Variants in WDFY2 observed in about 807,000 individuals in gnomAD.
WDFY2 encodes the protein WD repeat and FYVE domain-containing protein 2.
WDFY2 carries 36 observed loss-of-function variants against 56.4 expected under a neutral mutation model. The ratio of observed to expected loss-of-function variants is 0.64; its 90% CI spans 0.49 to 0.84. WDFY2 has a LOEUF of 0.84. Among genes scored for constraint, WDFY2 ranks in the 40% least tolerant of loss-of-function variants. WDFY2 has a pLI of 0.00. For synonymous variants in WDFY2, 176 were observed against 183.7 expected (o/e 0.96, Z 0.34); for missense variants, 444 against 512.2 (o/e 0.87, Z 1.29).
intron 3 of WDFY2, among the ~76,000 whole-genome samples, chr13:51,700,378 G>T (rs1000617315): frequency 6.6e-6 from 1 of 152,292 alleles, no homozygotes; most frequent in South Asian, 2.1e-4. Flanking sequence ...TTTCAAATGT[G>T]TATATCTTTG....
At chr13:51,724,970 A>G (rs777406729) in intron 5 of WDFY2, among the ~76,000 whole-genome samples, 40 of 152,184 alleles carry the variant, frequency 2.6e-4, no homozygotes, top group Admixed American at 4.6e-4. Context: ...TCCTGTCCCA[A>G]TCCTGGAATC....
At chr13:51,681,166 C>T (rs914602505) in intron 3 of WDFY2, among the ~76,000 whole-genome samples, 7 of 152,168 alleles carry the variant, frequency 4.6e-5, no homozygotes, top group African/African-American at 1.7e-4. Context: ...AGCAAGTTGA[C>T]TGTACAGTTA....
chr13:51,631,741 C>T (rs1954956696), intron 1 of WDFY2, among the ~76,000 whole-genome samples: 1 of 152,130 alleles, frequency 6.6e-6, no homozygotes, highest in African/African-American at 2.4e-5. Context: ...GTTGCCCAGG[C>T]TGGTTTTGAA....
intron 3 of WDFY2, among the ~76,000 whole-genome samples, chr13:51,691,182 C>A (rs1440178111): frequency 6.6e-6 from 1 of 152,150 alleles, no homozygotes; most frequent in Non-Finnish European, 1.5e-5. Context: ...TTTTGCTGTG[C>A]AGAAGCTCTT....
At chr13:51,679,726 G>A (rs1955946753) in intron 3 of WDFY2, among the ~76,000 whole-genome samples, 1 of 152,088 alleles carries the variant, frequency 6.6e-6, no homozygotes, top group South Asian at 2.1e-4. Flanking sequence ...TCTGGAGCCT[G>A]GAAGTCTGAA....
chr13:51,602,395 C>T (rs1954304401), intron 1 of WDFY2, among the ~76,000 whole-genome samples: 1 of 152,172 alleles, frequency 6.6e-6, no homozygotes, highest in African/African-American at 2.4e-5. Flanking sequence ...AGCAATAGGC[C>T]ATACTCTATA....
chr13:51,625,177 G>T (rs1174522805), intron 1 of WDFY2, among the ~76,000 whole-genome samples: 1 of 152,210 alleles, frequency 6.6e-6, no homozygotes, highest in African/African-American at 2.4e-5. Flanking sequence ...CCAAGGTGAT[G>T]TGATGGTGGC....
chr13:51,638,614 A>G (rs1338718521), intron 1 of WDFY2, among the ~76,000 whole-genome samples: 2 of 152,226 alleles, frequency 1.3e-5, no homozygotes, highest in Admixed American at 1.3e-4. Context: ...TTTGCACACA[A>G]AAATACCCAT....
At chr13:51,733,423 G>A (rs763228377) in intron 6 of WDFY2, among the ~76,000 whole-genome samples, 1 of 152,186 alleles carries the variant, frequency 6.6e-6, no homozygotes, top group Admixed American at 6.5e-5. Flanking sequence ...CAGCAGCCTA[G>A]AGTGGGAAAA....
At chr13:51,681,236 A>G (rs1955971965) in intron 3 of WDFY2, among the ~76,000 whole-genome samples, 1 of 152,200 alleles carries the variant, frequency 6.6e-6, no homozygotes, top group Admixed American at 6.5e-5. Flanking sequence ...TCAAAACAGC[A>G]GTGTAATAGT....
At chr13:51,758,621 C>T (rs1023805939) in intron 11 of WDFY2, among the ~76,000 whole-genome samples, 3 of 150,416 alleles carry the variant, frequency 2.0e-5, no homozygotes, top group Admixed American at 6.6e-5. Context: ...AAACCTGATA[C>T]ATGCACAGCC....
intron 2 of WDFY2, among the ~76,000 whole-genome samples, chr13:51,664,089 A>G (rs2138468327): frequency 6.6e-6 from 1 of 152,350 alleles, no homozygotes; most frequent in Non-Finnish European, 1.5e-5. Flanking sequence ...AGAAAGAATA[A>G]ATAGTGAAGG....
intron 1 of WDFY2, among the ~76,000 whole-genome samples, chr13:51,656,763 C>G (rs1397836143): frequency 6.6e-6 from 1 of 151,926 alleles, no homozygotes; most frequent in Non-Finnish European, 1.5e-5. Context: ...AGTTTTGACT[C>G]AAAACCTATT....
intron 6 of WDFY2, among the ~76,000 whole-genome samples, chr13:51,732,496 A>C (rs184034328): frequency 2.5e-3 from 377 of 152,336 alleles, no homozygotes; most frequent in Non-Finnish European, 4.3e-3. Context: ...AAATTATTTT[A>C]TTAGCATGAA....
At chr13:51,704,063 C>G (rs1207158487) in intron 4 of WDFY2, among the ~76,000 whole-genome samples, 1 of 152,186 alleles carries the variant, frequency 6.6e-6, no homozygotes, top group East Asian at 1.9e-4. Flanking sequence ...ATGTCTTCAA[C>G]ATTGACAGGC....
In WDFY2 at chr13:51,755,435, C is replaced by T; in HGVS notation, c.909C>T (p.Asp303=). 6.2e-7 allele frequency: 1 copy of T among 1,614,116 alleles called. No homozygotes were observed. Among genetic ancestry groups the T allele is most frequent in the Non-Finnish European group, 8.5e-7 (1 of 1,180,004 alleles). Residue 303 remains aspartate, a synonymous_variant, in exon 9 of 12, where the codon GAC becomes GAT. Transcript: ENST00000298125. ...PFFWNFKQMW[D]SKKIGLRQHH... ...TCTGGAACTTCAAGCAAATGTGGGACAGTAAGAAAATTGGTCTAAGACAGG... is the reference window on the plus strand; with the variant it reads ...TCTGGAACTTCAAGCAAATGTGGGATAGTAAGAAAATTGGTCTAAGACAGG...
intron 5 of WDFY2, among the ~76,000 whole-genome samples, chr13:51,725,101 CATT>C (rs1400690906): frequency 1.3e-5 from 2 of 152,120 alleles, no homozygotes; most frequent in Non-Finnish European, 2.9e-5. Context: ...TCAAATTTAA[CATT>C]ATGGGATTTT....
At chr13:51,677,715 T>G (rs542137355) in intron 3 of WDFY2, among the ~76,000 whole-genome samples, 13 of 152,010 alleles carry the variant, frequency 8.6e-5, no homozygotes, top group Non-Finnish European at 1.8e-4. Context: ...AAATAAGACG[T>G]AGAGACCATT....
At position 51,731,700 on chromosome 13, in the gene WDFY2, A is replaced by C. The variant is rs191962864; in HGVS notation, c.598+3910A>C. Among the ~76,000 whole-genome samples the C allele has an allele frequency of 7.7e-3, 1,178 of 152,350 alleles. 7 individuals carry two copies. Among genetic ancestry groups the C allele is most frequent in the Non-Finnish European group, 0.012 (823 of 68,030 alleles). ...CTCGTTCTGGGCCCTGGGAGGTCCC[A>C]AACACAGCAAGTCTCAGTTCTGGGA... On this transcript the variant is annotated intron_variant, in intron 6 of 11. Transcript: ENST00000298125.
Sources: gnomAD v4.1 joint callset for allele counts (sites outside exome capture counted in the v4.1 genomes callset) on GRCh38, gnomAD v4.1.1 for gene constraint, MANE v1.5 for transcripts, NCBI Gene and HGNC (gene_info 2026-07-23, HGNC 2026-07-21) for gene names.